Variants in EML4 observed in about 807,000 individuals in gnomAD.
EML4 encodes the protein echinoderm microtubule-associated protein-like 4.
A neutral mutation model predicts 129.0 loss-of-function variants in EML4; 72 were observed. The observed-to-expected ratio is 0.56, with a 90% CI of 0.46 to 0.68. The LOEUF (loss-of-function observed/expected upper bound fraction) is 0.68. Among genes scored for constraint, EML4 ranks in the 30% least tolerant of loss-of-function variants. EML4 has a pLI of 0.00. For missense variants in EML4, 1,363 were observed against 1,190.6 expected (o/e 1.14, Z -2.13); for synonymous variants, 532 against 405.0 (o/e 1.31, Z -3.77).
At chr2:42,174,562 G>C (rs1336772156) in intron 1 of EML4, among the ~76,000 whole-genome samples, 1 of 151,926 alleles carries the variant, frequency 6.6e-6, no homozygotes, top group South Asian at 2.1e-4. Context: ...CAAAGTTCTG[G>C]GATTACAGGT....
chr2:42,286,381 TA>T lies in EML4; in HGVS notation c.1122+4del. 6.3e-7 allele frequency: 1 copy of T among 1,575,468 alleles called. No homozygotes were observed. The highest frequency in any genetic ancestry group is 8.7e-7 in the Non-Finnish European group (1 of 1,144,836). On this transcript the variant is annotated splice_donor_region_variant and intron_variant, in intron 10 of 22. Transcript: ENST00000318522. ...GGATGCCTGGATTTTTCAAAAGCAG[TA>T]AGTAACAATTTTTAGAGAAGTAAGC...
chr2:42,278,079 TATC>T (rs1666757355), intron 6 of EML4, among the ~76,000 whole-genome samples: 1 of 152,222 alleles, frequency 6.6e-6, no homozygotes, highest in South Asian at 2.1e-4. Context: ...GCTATTTTCA[TATC>T]ATGCCAGACA....
intron 4 of EML4, among the ~76,000 whole-genome samples, chr2:42,262,192 A>T (rs1665775114): frequency 6.6e-6 from 1 of 152,110 alleles, no homozygotes; most frequent in African/African-American, 2.4e-5. Context: ...TCAATTTAAT[A>T]TTTTGCCTCA....
rs1036272447 is a variant in EML4 at position 42,331,764 on chromosome 2, T to G, written c.*1557T>G. The G allele has an allele frequency of 4.5e-6, 1 of 221,508 alleles. No individual in the cohort carries two copies. Among genetic ancestry groups the G allele is most frequent in the African/African-American group, 2.2e-5 (1 of 44,706 alleles). 13.7% of individuals were successfully genotyped at this position (221,508 alleles called of 1,614,324 possible). On this transcript the variant is annotated 3_prime_UTR_variant, in exon 23 of 23. Transcript: ENST00000318522. ...ACTCCAGTGAACTCCCAAGGACATTTACAACATTTATATTCACACGCTGTA... is the reference window on the plus strand; with the variant it reads ...ACTCCAGTGAACTCCCAAGGACATTGACAACATTTATATTCACACGCTGTA...
intron 1 of EML4, among the ~76,000 whole-genome samples, chr2:42,212,896 G>C (rs1672965371): frequency 2.6e-5 from 4 of 152,176 alleles, no homozygotes; most frequent in Admixed American, 2.6e-4. Context: ...CTGAAAACCT[G>C]TATTCCAGTC....
chr2:42,195,107 T>C (rs7603076), intron 1 of EML4, among the ~76,000 whole-genome samples: 7,802 of 152,240 alleles, frequency 0.051, 665 homozygotes, highest in African/African-American at 0.18. Flanking sequence ...GTCAGAATTA[T>C]GGGTTTATAC....
chr2:42,288,302 G>T lies in EML4; in HGVS notation c.1198G>T (p.Ala400Ser), dbSNP rs1037818227. Residue 400 changes from alanine (A) to serine (S), a missense_variant, in exon 11 of 23, where the codon GCA becomes TCA. Physicochemically the swap from Ala to Ser is moderately conservative, Grantham distance 99. Coordinates refer to ENST00000318522, the MANE Select transcript of EML4 (RefSeq NM_019063.5). ...MLTVWDWQKKAKGAEIKTTNE... is the reference protein window; with the variant it reads ...MLTVWDWQKKSKGAEIKTTNE... ...TACTGTATGGGACTGGCAGAAGAAAGCAAAAGGAGCAGAAATAAAGGTAAA... is the reference window on the plus strand; with the variant it reads ...TACTGTATGGGACTGGCAGAAGAAATCAAAAGGAGCAGAAATAAAGGTAAA... The T allele has an allele frequency of 1.1e-5, 17 of 1,554,928 alleles. No homozygotes were observed. Among genetic ancestry groups the T allele is most frequent in the Non-Finnish European group, 8.8e-7 (1 of 1,132,480 alleles).
chr2:42,325,571 T>TTATATA lies in EML4; in HGVS notation c.2242+29_2242+34dup, dbSNP rs149584395. The TTATATA allele has an allele frequency of 3.3e-3, 1,610 of 488,230 alleles. 21 individuals are homozygous for TTATATA. The highest frequency in any genetic ancestry group is 0.019 in the Middle Eastern group (28 of 1,512). 30.2% of individuals were successfully genotyped at this position (488,230 alleles called of 1,614,324 possible). A position where few individuals can be genotyped will look rare whatever the true frequency, so the allele number is the denominator to read the frequency against. On this transcript the variant is annotated intron_variant, in intron 20 of 22. Transcript: ENST00000318522. ...TATTGTACTGTAAGTATGAATGATT[T>TTATATA]TATATATATATATATATGCTATGAT...
At chr2:42,222,336 T>C (rs1352008807) in intron 1 of EML4, among the ~76,000 whole-genome samples, 1 of 152,178 alleles carries the variant, frequency 6.6e-6, no homozygotes, top group Non-Finnish European at 1.5e-5. Flanking sequence ...ATTCACTGTT[T>C]TGTATCCTGT....
chr2:42,313,218 A>G (rs1669059279), intron 17 of EML4, among the ~76,000 whole-genome samples: 1 of 151,764 alleles, frequency 6.6e-6, no homozygotes, highest in Non-Finnish European at 1.5e-5. Context: ...GGCCTCCCAA[A>G]GTGCTGGGAT....
intron 1 of EML4, among the ~76,000 whole-genome samples, chr2:42,176,713 A>G (rs1012514218): frequency 3.3e-5 from 5 of 152,298 alleles, no homozygotes; most frequent in African/African-American, 9.6e-5. Context: ...GTTTATTCCA[A>G]TAGTTATAAG....
chr2:42,327,585 A>G (rs1170556246), intron 21 of EML4, among the ~76,000 whole-genome samples: 1 of 152,198 alleles, frequency 6.6e-6, no homozygotes, highest in African/African-American at 2.4e-5. Context: ...GAATTATATA[A>G]AGATAACTAT....
intron 1 of EML4, among the ~76,000 whole-genome samples, chr2:42,200,589 C>G (rs1398552954): frequency 6.6e-6 from 1 of 152,180 alleles, no homozygotes. Context: ...CTCCCTTTCT[C>G]CAGTTGAAAA....
chr2:42,265,061 A>G (rs755676161), intron 6 of EML4: 55 of 1,052,016 alleles, frequency 5.2e-5, no homozygotes, highest in Admixed American at 7.3e-5. Context: ...AAAAGGAAAT[A>G]CAGTGATTTG....
chr2:42,314,162 C>T (rs1279013573), intron 17 of EML4, among the ~76,000 whole-genome samples: 3 of 152,094 alleles, frequency 2.0e-5, no homozygotes, highest in African/African-American at 7.2e-5. Context: ...AGTTCGAGAC[C>T]AGCCTGGCCA....
intron 11 of EML4, among the ~76,000 whole-genome samples, 167 bp from the exon 12 acceptor site, chr2:42,294,958 C>T (rs1667861308): frequency 6.6e-6 from 1 of 152,142 alleles, no homozygotes; most frequent in Admixed American, 6.5e-5. Context: ...AAATTTAAAT[C>T]ATCCCAAAAA....
At chr2:42,214,586 C>T (rs1340945444) in intron 1 of EML4, among the ~76,000 whole-genome samples, 1 of 152,116 alleles carries the variant, frequency 6.6e-6, no homozygotes, top group Non-Finnish European at 1.5e-5. Flanking sequence ...ATTAAAACAA[C>T]AATTTTGTTG....
chr2:42,204,405 G>C (rs1672417356), intron 1 of EML4, among the ~76,000 whole-genome samples: 1 of 152,056 alleles, frequency 6.6e-6, no homozygotes, highest in Non-Finnish European at 1.5e-5. Flanking sequence ...TTCTGGAAAG[G>C]GCCAGATAAT....
At chr2:42,281,814 C>G (rs1049107952) in intron 7 of EML4, among the ~76,000 whole-genome samples, 2 of 149,348 alleles carry the variant, frequency 1.3e-5, no homozygotes, top group African/African-American at 5.2e-5. Flanking sequence ...TTTAGAACCT[C>G]CAAGAAACTC....
Sources: gnomAD v4.1 joint callset for allele counts (sites outside exome capture counted in the v4.1 genomes callset) on GRCh38, gnomAD v4.1.1 for gene constraint, MANE v1.5 for transcripts, NCBI Gene and HGNC (gene_info 2026-07-23, HGNC 2026-07-21) for gene names.